S100PBP: variants seen among roughly 807,000 people sequenced by gnomAD.
The protein encoded by S100PBP is S100P-binding protein.
A neutral mutation model predicts 39.9 loss-of-function variants in S100PBP; 15 were observed. That is an observed-to-expected ratio of 0.38 (90% CI 0.25 to 0.58). The LOEUF is 0.58. Ranked by LOEUF, S100PBP falls within the 20% of genes least tolerant of loss-of-function variation. The pLI is 0.70. For missense variants in S100PBP, 504 were observed against 487.3 expected, an observed-to-expected ratio of 1.03 and a Z score of -0.32; for synonymous variants, 178 against 180.3, an observed-to-expected ratio of 0.99 and a Z score of 0.10.
At chr1:32,817,633 C>A (rs1295423882), upstream of S100PBP, 5 of 291,298 alleles carry the variant, frequency 1.7e-5, no homozygotes, top group Non-Finnish European at 2.7e-5. Context: ...GATAAAATGG[C>A]GCAGGGGGCG....
chr1:32,830,653 TTGGC>T (rs1639554182), intron 5 of S100PBP, among the ~76,000 whole-genome samples: 2 of 152,186 alleles, frequency 1.3e-5, no homozygotes, highest in Admixed American at 1.3e-4. Flanking sequence ...GCCTGAACTA[TTGGC>T]TGATGGGAAA....
chr1:32,853,020 G>T lies in S100PBP; in HGVS notation c.1025-59G>T. On this transcript the variant is annotated intron_variant, in intron 5 of 6. Coordinates refer to ENST00000373475, the MANE Select transcript of S100PBP (RefSeq NM_022753.4). ...CTCTTTCCCTGAAAACACATACTTT[G>T]ACGTTGGCTGACGTAGTTCACTCAG... 8.8e-6 allele frequency: 10 copies of T among 1,137,864 alleles called. 1 individual carries two copies. Among genetic ancestry groups the T allele is most frequent in the South Asian group, 1.2e-5 (1 of 80,614 alleles). 70.5% of individuals were successfully genotyped at this position (1,137,864 alleles called of 1,614,324 possible).
In S100PBP at chr1:32,857,185, C is replaced by G. The variant is rs1419036448; in HGVS notation, c.*1147C>G. On this transcript the variant is annotated 3_prime_UTR_variant, in exon 7 of 7. Coordinates refer to ENST00000373475, the MANE Select transcript of S100PBP (RefSeq NM_022753.4). The stretch of plus-strand genomic sequence containing the variant: ...CCTGATACCTAGTTTCACATGGATG[C>G]TAACGTGGATGTAATATAGTTGTGA... The G allele has an allele frequency of 6.6e-6, 1 of 152,146 alleles. No homozygotes were observed. Among genetic ancestry groups the G allele is most frequent in the African/African-American group, 2.4e-5 (1 of 41,426 alleles). The allele number at this position is 152,146 out of a possible 1,614,324, so 9.4% of individuals were successfully genotyped here.
At chr1:32,823,946 C>T (rs1451608054) in intron 1 of S100PBP, among the ~76,000 whole-genome samples, 6 of 152,296 alleles carry the variant, frequency 3.9e-5, no homozygotes, top group African/African-American at 1.4e-4. Flanking sequence ...CGCCTATAAT[C>T]CCAGCACTTT....
chr1:32,839,154 C>T (rs1037033562), intron 5 of S100PBP, among the ~76,000 whole-genome samples: 1 of 152,156 alleles, frequency 6.6e-6, no homozygotes, highest in Non-Finnish European at 1.5e-5. Flanking sequence ...CCTTGAGCCC[C>T]TGACAACCAC....
chr1:32,820,989 T>C (rs1639030386), intron 1 of S100PBP, among the ~76,000 whole-genome samples: 1 of 143,966 alleles, frequency 6.9e-6, no homozygotes, highest in South Asian at 2.3e-4. Flanking sequence ...AAAATAACAA[T>C]AATTTAACAG....
intron 4 of S100PBP, among the ~76,000 whole-genome samples, chr1:32,829,378 C>T (rs1377608361): frequency 6.6e-6 from 1 of 152,264 alleles, no homozygotes; most frequent in Non-Finnish European, 1.5e-5. Context: ...TCAATAAATA[C>T]TTTCTCTAGG....
At chr1:32,821,563 G>A (rs992572072) in intron 1 of S100PBP, among the ~76,000 whole-genome samples, 1 of 151,450 alleles carries the variant, frequency 6.6e-6, no homozygotes, top group South Asian at 2.1e-4. Context: ...CTCGTGATCC[G>A]CCCTCCTCGG....
chr1:32,857,858 A>G lies in S100PBP; in HGVS notation c.*1820A>G, dbSNP rs914037120. On this transcript the variant is annotated 3_prime_UTR_variant, in exon 7 of 7. Coordinates refer to ENST00000373475, the MANE Select transcript of S100PBP (RefSeq NM_022753.4). ...ACAATAAATTTAGGTGAATGTCCCT[A>G]AGTGTTTACTGTTTTTATCCAGTCA... is the stretch of plus-strand genomic sequence containing the variant. 1 of 152,232 alleles carries G rather than the reference A, an allele frequency of 6.6e-6. No homozygotes were observed. Among genetic ancestry groups the G allele is most frequent in the African/African-American group, 2.4e-5 (1 of 41,470 alleles). The allele number at this position is 152,232 out of a possible 1,614,324, so 9.4% of individuals were successfully genotyped here. A position where few individuals can be genotyped will look rare whatever the true frequency, so the allele number is the denominator to read the frequency against.
In S100PBP at chr1:32,853,184, A is replaced by T. The variant is rs1282227223; in HGVS notation, c.1112+18A>T. ...ACCACGCGGTGAGTGGGTGATTAGA[A>T]GAAGATGGAAAAGGGTAGAATGGCT... is the stretch of plus-strand genomic sequence containing the variant. On this transcript the variant is annotated intron_variant, in intron 6 of 6. Coordinates refer to ENST00000373475, the MANE Select transcript of S100PBP (RefSeq NM_022753.4). The T allele has an allele frequency of 6.3e-7, 1 of 1,581,088 alleles. No homozygotes were observed. The highest frequency in any genetic ancestry group is 2.2e-5 in the East Asian group (1 of 44,696).
At chr1:32,850,744 C>T (rs891552769) in intron 5 of S100PBP, among the ~76,000 whole-genome samples, 1 of 152,066 alleles carries the variant, frequency 6.6e-6, no homozygotes, top group Non-Finnish European at 1.5e-5. Context: ...TTCATTTGGT[C>T]GTGCTTTTTT....
In S100PBP at chr1:32,827,971, G is replaced by A. The variant is rs1216303396; in HGVS notation, c.832-22G>A. The A allele has an allele frequency of 2.0e-6, 3 of 1,510,882 alleles. No homozygotes were observed. The East Asian group carries it at 6.8e-5, about 34-fold the overall frequency. 93.6% of individuals were successfully genotyped at this position (1,510,882 alleles called of 1,614,324 possible). A position where few individuals can be genotyped will look rare whatever the true frequency, so the allele number is the denominator to read the frequency against. ...ATAACTAAGAATCACCTTTCCTTTT[G>A]CATTCCTTTTCCTCAAAAAAGCAGG... On this transcript the variant is annotated intron_variant, in intron 3 of 6. Coordinates refer to ENST00000373475, the MANE Select transcript of S100PBP (RefSeq NM_022753.4).
chr1:32,824,983 A>C (rs1639261317), intron 1 of S100PBP: 2 of 151,944 alleles, frequency 1.3e-5, no homozygotes, highest in Non-Finnish European at 1.5e-5. Context: ...GGCATACCCA[A>C]GTTATTGGAG....
upstream of S100PBP, chr1:32,817,575 C>G: frequency 2.0e-6 from 1 of 500,562 alleles, no homozygotes; most frequent in South Asian, 2.4e-5. Flanking sequence ...TGCCCTCCCC[C>G]TGGTGTTGGC....
chr1:32,827,783 G>GGT (rs1281476870), intron 3 of S100PBP, among the ~76,000 whole-genome samples: 5 of 130,412 alleles, frequency 3.8e-5, no homozygotes, highest in African/African-American at 1.1e-4. Flanking sequence ...ACCTGGCCAG[G>GGT]TTTTTTTTTT....
Position 32,826,557 on chromosome 1 carries a change from C to T in S100PBP, c.458C>T (p.Pro153Leu). The change falls in exon 3 of 7, where the codon CCA becomes CTA. Residue 153 changes from proline to leucine, a missense_variant. Transcript: ENST00000373475. ...AAAGTAACTGTTGCACCATTTAATCCAACAGTTTGTGATGCTCTGCTTGAT... is the reference window on the plus strand; with the variant it reads ...AAAGTAACTGTTGCACCATTTAATCTAACAGTTTGTGATGCTCTGCTTGAT... ...LIKVTVAPFN[P>L]TVCDALLDKD... 1 of 1,613,794 alleles carries T rather than the reference C, an allele frequency of 6.2e-7. No individual in the cohort carries two copies.
chr1:32,829,839 T>C, intron 4 of S100PBP, 125 bp from the exon 5 acceptor site: 1 of 663,274 alleles, frequency 1.5e-6, no homozygotes, highest in Non-Finnish European at 2.7e-6. Flanking sequence ...CTCTCGATCA[T>C]AAAGATAATT....
In S100PBP at chr1:32,825,394, T is replaced by C. The variant is rs1460062802; in HGVS notation, c.-38T>C. The C allele has an allele frequency of 1.3e-5, 2 of 152,254 alleles. No individual in the cohort carries two copies. The highest frequency in any genetic ancestry group is 2.9e-5 in the Non-Finnish European group (2 of 68,046). 9.4% of individuals were successfully genotyped at this position (152,254 alleles called of 1,614,324 possible). ...TGAAACCTTTTTCCATTTGGTCTCG[T>C]GGCAAAGGCAGAGATTGCTCCAGCA... On this transcript the variant is annotated 5_prime_UTR_variant, in exon 2 of 7. Transcript: ENST00000373475.
intron 1 of S100PBP, chr1:32,818,077 G>C (rs1175339270): frequency 6.5e-6 from 1 of 153,180 alleles, no homozygotes; most frequent in Non-Finnish European, 1.5e-5. Context: ...TCTCGCGGGT[G>C]GGGGCAGGAA....
Sources: gnomAD v4.1 joint callset for allele counts (sites outside exome capture counted in the v4.1 genomes callset) on GRCh38, gnomAD v4.1.1 for gene constraint, MANE v1.5 for transcripts, NCBI Gene and HGNC (gene_info 2026-07-23, HGNC 2026-07-21) for gene names.